The following PRKG1 variants were observed in gnomAD, a reference collection of about 807,000 sequenced individuals.
The protein encoded by PRKG1 is protein kinase cGMP-dependent 1.
Under a neutral mutation model 88.1 loss-of-function variants are expected in PRKG1, and 35 were observed. The observed-to-expected ratio is 0.40, with a 90% CI of 0.30 to 0.53. The LOEUF (loss-of-function observed/expected upper bound fraction) is 0.53. PRKG1 is among the 20% of genes least tolerant of loss of function. The pLI is 0.59. For missense variants in PRKG1, 540 were observed against 839.8 expected, an observed-to-expected ratio of 0.64 and a Z score of 4.41; for synonymous variants, 303 against 292.5, an observed-to-expected ratio of 1.04 and a Z score of -0.37.
intron 3 of PRKG1, among the ~76,000 whole-genome samples, chr10:51,786,967 G>T (rs1393492363): frequency 6.6e-6 from 1 of 152,034 alleles, no homozygotes; most frequent in African/African-American, 2.4e-5. Flanking sequence ...TGCATTCCAG[G>T]TTTACGATTT....
At chr10:51,163,324 C>T (rs975573520) in intron 2 of PRKG1, among the ~76,000 whole-genome samples, 1 of 152,084 alleles carries the variant, frequency 6.6e-6, no homozygotes, top group Non-Finnish European at 1.5e-5. Flanking sequence ...TTATTAATAG[C>T]AAAGCTTTAT....
intron 2 of PRKG1, among the ~76,000 whole-genome samples, chr10:51,326,792 A>G (rs1412917898): frequency 6.6e-6 from 1 of 152,252 alleles, no homozygotes; most frequent in Non-Finnish European, 1.5e-5. Context: ...GAATACAGTA[A>G]CTTAAATATC....
At chr10:51,172,721 T>C (rs1837077484) in intron 2 of PRKG1, among the ~76,000 whole-genome samples, 1 of 151,968 alleles carries the variant, frequency 6.6e-6, no homozygotes, top group Non-Finnish European at 1.5e-5. Flanking sequence ...TAGGTCATCA[T>C]ATGTGTGGAA....
chr10:52,093,166 C>T (rs1809724845), intron 7 of PRKG1, among the ~76,000 whole-genome samples: 1 of 152,042 alleles, frequency 6.6e-6, no homozygotes, highest in Non-Finnish European at 1.5e-5. Flanking sequence ...AAATACATGA[C>T]AAATATTATA....
At chr10:51,572,773 T>A (rs1321678569) in intron 3 of PRKG1, among the ~76,000 whole-genome samples, 1 of 148,686 alleles carries the variant, frequency 6.7e-6, no homozygotes, top group African/African-American at 2.6e-5. Flanking sequence ...TGAGAACCAC[T>A]GGACTGGCTT....
Position 51,074,542 on chromosome 10 carries a change from CAA to C in PRKG1, c.-48_-47del. On this transcript the variant is annotated 5_prime_UTR_variant, in exon 1 of 18. Coordinates refer to ENST00000373980, the MANE Select transcript of PRKG1 (RefSeq NM_006258.4). ...GTTGATCGGAGAGGGGAGGAAGCCT[CAA>C]GACGCGGAGCAGCGGCAGGAAGGAG... 1 of 1,574,650 alleles carries C rather than the reference CAA, an allele frequency of 6.4e-7. No homozygotes were observed. Among genetic ancestry groups the C allele is most frequent in the Non-Finnish European group, 8.6e-7 (1 of 1,158,558 alleles).
At chr10:51,187,299 C>G (rs1169184637) in intron 2 of PRKG1, among the ~76,000 whole-genome samples, 2 of 151,916 alleles carry the variant, frequency 1.3e-5, no homozygotes, top group Non-Finnish European at 2.9e-5. Flanking sequence ...ACTTTTAAAA[C>G]TGGTTCCACC....
intron 7 of PRKG1, among the ~76,000 whole-genome samples, chr10:52,097,436 A>T (rs1489305957): frequency 1.3e-5 from 2 of 152,150 alleles, no homozygotes; most frequent in Non-Finnish European, 2.9e-5. Flanking sequence ...GATTTATTAA[A>T]TGAAATTACT....
intron 3 of PRKG1, among the ~76,000 whole-genome samples, chr10:51,721,959 C>A (rs1448739711): frequency 6.6e-6 from 1 of 152,142 alleles, no homozygotes; most frequent in African/African-American, 2.4e-5. Context: ...AGGCAGGGTG[C>A]GGTGGCTTAC....
chr10:52,001,374 A>T (rs908955995), intron 5 of PRKG1, among the ~76,000 whole-genome samples: 1 of 151,986 alleles, frequency 6.6e-6, no homozygotes, highest in Non-Finnish European at 1.5e-5. Context: ...TAAAAAAAAA[A>T]AACATAACTA....
intron 3 of PRKG1, among the ~76,000 whole-genome samples, chr10:51,627,235 G>A (rs1288448374): frequency 1.3e-5 from 2 of 152,140 alleles, no homozygotes; most frequent in Admixed American, 1.3e-4. Context: ...AAATAACATG[G>A]TGGGTTTTAG....
In PRKG1 at chr10:51,690,897, C is replaced by A. The variant is rs184931247; in HGVS notation, c.593-113688C>A. ...GCCAAGATTGCACCACTACACCCCCCAGCCTGGCGACAGAGTGAGACTCTG... is the reference window on the plus strand; with the variant it reads ...GCCAAGATTGCACCACTACACCCCCAAGCCTGGCGACAGAGTGAGACTCTG... On this transcript the variant is annotated intron_variant, in intron 3 of 17. Transcript: ENST00000373980. Among the ~76,000 whole-genome samples the A allele has an allele frequency of 4.5e-4, 60 of 134,574 alleles. 3 individuals are homozygous for A. Among genetic ancestry groups the A allele is most frequent in the Non-Finnish European group, 7.6e-5 (5 of 65,368 alleles). 88.3% of individuals were successfully genotyped at this position (134,574 alleles called of 152,430 possible). A position where few individuals can be genotyped will look rare whatever the true frequency, so the allele number is the denominator to read the frequency against.
At chr10:51,304,957 C>A (rs1564438793) in intron 2 of PRKG1, among the ~76,000 whole-genome samples, 2 of 152,028 alleles carry the variant, frequency 1.3e-5, no homozygotes, top group Non-Finnish European at 2.9e-5. Context: ...AGTGCTTCAA[C>A]CCAGGGCCAG....
At chr10:52,023,231 CA>C (rs1333193743) in intron 5 of PRKG1, among the ~76,000 whole-genome samples, 1 of 152,158 alleles carries the variant, frequency 6.6e-6, no homozygotes. Flanking sequence ...CATGTCCCTG[CA>C]AAGGACATGA....
intron 4 of PRKG1, among the ~76,000 whole-genome samples, chr10:51,901,226 A>G (rs1290891808): frequency 6.6e-6 from 1 of 152,130 alleles, no homozygotes; most frequent in African/African-American, 2.4e-5. Flanking sequence ...CACAGTTACC[A>G]CTTGTGTTCA....
At position 51,614,255 on chromosome 10, in the gene PRKG1, A is replaced by AT. The variant is rs558622267; in HGVS notation, c.592+146425dup. Among the ~76,000 whole-genome samples, 276 of 151,716 alleles carry AT rather than the reference A, an allele frequency of 1.8e-3. 1 individual carries two copies. Among genetic ancestry groups the AT allele is most frequent in the African/African-American group, 6.2e-3 (255 of 41,424 alleles). ...CATTATAAAATGACAATCTTCATCT[A>AT]TTTTTTACTGTTTTGCCTTAAAGTC... On this transcript the variant is annotated intron_variant, in intron 3 of 17. Transcript: ENST00000373980.
chr10:51,672,511 T>A (rs1419584120), intron 3 of PRKG1, among the ~76,000 whole-genome samples: 1 of 152,198 alleles, frequency 6.6e-6, no homozygotes, highest in Non-Finnish European at 1.5e-5. Context: ...CCTTTCTTGT[T>A]TTATTTTTAT....
At chr10:51,609,389 G>T (rs1333697006) in intron 3 of PRKG1, among the ~76,000 whole-genome samples, 1 of 152,118 alleles carries the variant, frequency 6.6e-6, no homozygotes, top group Non-Finnish European at 1.5e-5. Context: ...CACTTTTGGT[G>T]AGAATGTAAA....
chr10:51,319,632 T>C (rs1276892271), intron 2 of PRKG1, among the ~76,000 whole-genome samples: 3 of 152,232 alleles, frequency 2.0e-5, no homozygotes, highest in Admixed American at 2.0e-4. Context: ...CTCCCAGGCA[T>C]CTTTCTACCA....
Sources: allele counts gnomAD v4.1 joint callset (sites outside exome capture counted in the v4.1 genomes callset), GRCh38; gene constraint gnomAD v4.1.1; transcripts MANE v1.5; gene names NCBI Gene and HGNC (gene_info 2026-07-23, HGNC 2026-07-21).